Variants in CCAR1 observed in about 807,000 individuals in gnomAD.
The protein encoded by CCAR1 is cell division cycle and apoptosis regulator protein 1.
A neutral mutation model predicts 163.8 loss-of-function variants in CCAR1; 78 were observed. That is an observed-to-expected ratio of 0.48 (90% CI 0.40 to 0.57). The LOEUF (loss-of-function observed/expected upper bound fraction) is 0.57. CCAR1 is among the 20% of genes least tolerant of loss of function. The pLI, the probability that CCAR1 is intolerant of heterozygous loss-of-function variation, is 0.00. For synonymous variants in CCAR1, 443 were observed against 460.7 expected (o/e 0.96, Z 0.49); for missense variants, 1,019 against 1,365.2 (o/e 0.75, Z 4.00).
chr10:68,783,420 G>A (rs2056759453), intron 19 of CCAR1, among the ~76,000 whole-genome samples: 1 of 151,754 alleles, frequency 6.6e-6, no homozygotes, highest in African/African-American at 2.4e-5. Context: ...TGATCTGTCT[G>A]CCTTGGCCTC....
Position 68,788,274 on chromosome 10 carries a change from G to A in CCAR1, c.3133G>A (p.Glu1045Lys), listed in dbSNP as rs144696799. 5.1e-5 allele frequency: 82 copies of A among 1,597,038 alleles called. No homozygotes were observed. Among genetic ancestry groups the A allele is most frequent in the Non-Finnish European group, 6.6e-5 (77 of 1,174,948 alleles). The change falls in exon 23 of 25, where the codon GAA becomes AAA. Residue 1045 changes from glutamate to lysine, a missense_variant. Glu to Lys is a moderately conservative substitution (Grantham distance 56, BLOSUM62 1). This residue lies in a region of CCAR1 where 358 missense variants were observed against 406.4 expected (regional missense o/e 0.88). Coordinates refer to ENST00000265872, the MANE Select transcript of CCAR1 (RefSeq NM_018237.4). ...CCTCTTGCAAAAATTGGAAAAGAGCGAAAAAGTAAGAGCTGAGGTAGAACA... is the reference window on the plus strand; with the variant it reads ...CCTCTTGCAAAAATTGGAAAAGAGCAAAAAAGTAAGAGCTGAGGTAGAACA... ...GSLLQKLEKS[E>K]KVRAEVEQKL...
chr10:68,732,983 C>G (rs1406467927), intron 2 of CCAR1, among the ~76,000 whole-genome samples: 1 of 152,180 alleles, frequency 6.6e-6, no homozygotes, highest in Non-Finnish European at 1.5e-5. Flanking sequence ...TCTGTATTCT[C>G]ATTGCGGTTA....
At chr10:68,755,582 T>C in intron 13 of CCAR1, 46 bp downstream of exon 13, 1 of 1,521,322 alleles carries the variant, frequency 6.6e-7, no homozygotes, top group Non-Finnish European at 9.0e-7. Flanking sequence ...TACTGATAGT[T>C]TATGTAGTTG....
chr10:68,763,112 CT>C (rs35840480), intron 16 of CCAR1, among the ~76,000 whole-genome samples: 101,312 of 151,630 alleles, frequency 0.67, 34,358 homozygotes, highest in Non-Finnish European at 0.73. Flanking sequence ...CTTGTGATTT[CT>C]TTTTTTTTAA....
Position 68,722,445 on chromosome 10 carries a change from T to C in CCAR1, c.-50-10T>C. On this transcript the variant is annotated splice_polypyrimidine_tract_variant and intron_variant, in intron 1 of 24. Coordinates refer to ENST00000265872, the MANE Select transcript of CCAR1 (RefSeq NM_018237.4). ...GTTGGACTTTAAAATGTGGATCCTT[T>C]TCTTGATAGATCGATGCTATAGAAG... The C allele has an allele frequency of 7.5e-7, 1 of 1,337,274 alleles. No homozygotes were observed. The highest frequency in any genetic ancestry group is 1.1e-6 in the Non-Finnish European group (1 of 927,658). The allele number at this position is 1,337,274 out of a possible 1,614,324, so 82.8% of individuals were successfully genotyped here.
At chr10:68,784,433 A>C (rs1700115300) in intron 19 of CCAR1, among the ~76,000 whole-genome samples, 1 of 151,920 alleles carries the variant, frequency 6.6e-6, no homozygotes, top group Non-Finnish European at 1.5e-5. Context: ...GGCTGGTCTC[A>C]AACTCCTGAC....
rs542797916 is a variant in CCAR1, at chr10:68,787,194, T to C, written c.2880+502T>C. Among the ~76,000 whole-genome samples the C allele has an allele frequency of 4.6e-5, 7 of 152,310 alleles. No individual in the cohort carries two copies. In the South Asian group the frequency reaches 1.5e-3, roughly 32 times the overall value. ...CTACAATATATAAAATTCTAGATCT[T>C]TTTGTAAGCAGCTCAGTTCCATTTT... On this transcript the variant is annotated intron_variant, in intron 21 of 24. Transcript: ENST00000265872.
chr10:68,758,764 C>A (rs1451600559), intron 15 of CCAR1, among the ~76,000 whole-genome samples: 1 of 151,404 alleles, frequency 6.6e-6, no homozygotes, highest in Non-Finnish European at 1.5e-5. Flanking sequence ...CCTATGCCTC[C>A]CGGGTTCAAG....
intron 2 of CCAR1, among the ~76,000 whole-genome samples, chr10:68,727,548 A>G (rs1388782008): frequency 6.6e-6 from 1 of 152,100 alleles, no homozygotes; most frequent in Non-Finnish European, 1.5e-5. Context: ...TACAGTTCAG[A>G]TTCTAGGATG....
At chr10:68,730,919 C>T (rs1451732657) in intron 2 of CCAR1, among the ~76,000 whole-genome samples, 1 of 152,072 alleles carries the variant, frequency 6.6e-6, no homozygotes. Flanking sequence ...CCTCAAATTG[C>T]TGGGCTCAAG....
intron 17 of CCAR1, among the ~76,000 whole-genome samples, chr10:68,767,819 T>G (rs2056554643): frequency 6.6e-6 from 1 of 152,332 alleles, no homozygotes; most frequent in Non-Finnish European, 1.5e-5. Context: ...TCACCTAGCC[T>G]GTATCATTAT....
At chr10:68,750,600 T>C (rs1392327544) in intron 10 of CCAR1, among the ~76,000 whole-genome samples, 1 of 152,198 alleles carries the variant, frequency 6.6e-6, no homozygotes, top group African/African-American at 2.4e-5. Context: ...TGAGGTTTAG[T>C]TCATGTATCC....
At chr10:68,765,784 G>C in intron 16 of CCAR1, 104 bp from the exon 17 acceptor site, 3 of 765,170 alleles carry the variant, frequency 3.9e-6, no homozygotes, top group Non-Finnish European at 6.2e-6. Context: ...TGGGAATTTT[G>C]TTCCTTTTAT....
intron 19 of CCAR1, among the ~76,000 whole-genome samples, chr10:68,777,400 G>T (rs2056679833): frequency 6.6e-6 from 1 of 152,040 alleles, no homozygotes; most frequent in African/African-American, 2.4e-5. Flanking sequence ...CACTGTTCAG[G>T]CTGGGCATGG....
chr10:68,791,340 A>G lies in CCAR1; in HGVS notation c.*74A>G. 2 of 984,744 alleles carry G rather than the reference A, an allele frequency of 2.0e-6. No individual in the cohort carries two copies. The highest frequency in any genetic ancestry group is 1.5e-6 in the Non-Finnish European group (1 of 653,434). 61.0% of individuals were successfully genotyped at this position (984,744 alleles called of 1,614,324 possible). A position where few individuals can be genotyped will look rare whatever the true frequency, so the allele number is the denominator to read the frequency against. ...AAAATCATGATATAAGAATGTTTGA[A>G]GGTGATGCATGTTTGATTTTAGTAG... On this transcript the variant is annotated 3_prime_UTR_variant, in exon 25 of 25. Coordinates refer to ENST00000265872, the MANE Select transcript of CCAR1 (RefSeq NM_018237.4).
At chr10:68,725,521 A>G (rs1400528426) in intron 2 of CCAR1, among the ~76,000 whole-genome samples, 1 of 151,082 alleles carries the variant, frequency 6.6e-6, no homozygotes, top group Non-Finnish European at 1.5e-5. Flanking sequence ...TCATTTTTTG[A>G]CTTATTTGTT....
At chr10:68,746,610 C>T (rs747235613) in intron 6 of CCAR1, among the ~76,000 whole-genome samples, 9 of 151,828 alleles carry the variant, frequency 5.9e-5, no homozygotes, top group Non-Finnish European at 1.2e-4. Flanking sequence ...TGTTTGAGAC[C>T]GAGTCTCGTC....
intron 6 of CCAR1, among the ~76,000 whole-genome samples, chr10:68,743,703 C>T (rs575025829): frequency 2.3e-4 from 34 of 150,310 alleles, no homozygotes; most frequent in African/African-American, 5.4e-4. Context: ...CCACCACACC[C>T]GGCTAATTTT....
chr10:68,786,044 T>C, intron 19 of CCAR1, 92 bp from the exon 20 acceptor site: 1 of 812,660 alleles, frequency 1.2e-6, no homozygotes, highest in Non-Finnish European at 2.1e-6. Flanking sequence ...CTGGCCCTCC[T>C]GAGTAGCTGG....
Sources: gnomAD v4.1 joint callset for allele counts (sites outside exome capture counted in the v4.1 genomes callset) on GRCh38, gnomAD v4.1.1 for gene constraint, gnomAD v4.1.1 regional missense constraint, MANE v1.5 for transcripts, NCBI Gene and HGNC (gene_info 2026-07-23, HGNC 2026-07-21) for gene names.